SLC25A21: variants seen among roughly 807,000 people sequenced by gnomAD.
SLC25A21 encodes the protein mitochondrial 2-oxodicarboxylate carrier.
A neutral mutation model predicts 43.8 loss-of-function variants in SLC25A21; 47 were observed. That is an observed-to-expected ratio of 1.07 (90% CI 0.85 to 1.37). The LOEUF (loss-of-function observed/expected upper bound fraction) is 1.37, where lower values mean the gene tolerates loss of function less well. Ranked by LOEUF, SLC25A21 falls within the 40% of genes most tolerant of loss-of-function variation. The pLI, the probability that SLC25A21 is intolerant of heterozygous loss-of-function variation, is 0.00. For missense variants in SLC25A21, 352 were observed against 350.2 expected (o/e 1.00, Z -0.04); for synonymous variants, 131 against 121.3 (o/e 1.08, Z -0.52).
chr14:36,860,847 A>G (rs958938878), intron 2 of SLC25A21, among the ~76,000 whole-genome samples: 3 of 152,238 alleles, frequency 2.0e-5, no homozygotes, highest in African/African-American at 2.4e-5. Flanking sequence ...ACAGAAATGC[A>G]TATCCCAGAT....
chr14:37,084,302 C>T (rs1208525245), intron 1 of SLC25A21, among the ~76,000 whole-genome samples: 11 of 152,178 alleles, frequency 7.2e-5, no homozygotes, highest in Admixed American at 7.2e-4. Context: ...TGTTAGGAGG[C>T]TCTTCCTCTA....
At chr14:36,885,268 A>G (rs566553509) in intron 1 of SLC25A21, among the ~76,000 whole-genome samples, 3 of 152,258 alleles carry the variant, frequency 2.0e-5, no homozygotes, top group African/African-American at 7.2e-5. Context: ...AAATCAATTG[A>G]CCATAAATGC....
At chr14:36,969,565 T>C (rs1959702928) in intron 1 of SLC25A21, among the ~76,000 whole-genome samples, 1 of 151,882 alleles carries the variant, frequency 6.6e-6, no homozygotes, top group Admixed American at 6.6e-5. Context: ...CATAGAGCAC[T>C]ATAGCTTCCA....
At chr14:37,122,988 C>G (rs150985074) in intron 1 of SLC25A21, among the ~76,000 whole-genome samples, 2 of 152,182 alleles carry the variant, frequency 1.3e-5, no homozygotes, top group Admixed American at 1.3e-4. Context: ...TAGATACTTG[C>G]TTCTCAAAAG....
chr14:37,105,560 T>A (rs1566885319), intron 1 of SLC25A21, among the ~76,000 whole-genome samples: 1 of 152,124 alleles, frequency 6.6e-6, no homozygotes, highest in South Asian at 2.1e-4. Context: ...GCTTTTTAAT[T>A]TTATTTTTAA....
At chr14:36,790,588 G>A (rs1421772692) in intron 3 of SLC25A21, among the ~76,000 whole-genome samples, 3 of 152,080 alleles carry the variant, frequency 2.0e-5, no homozygotes, top group African/African-American at 7.2e-5. Flanking sequence ...TATTTAAACA[G>A]TTCTCCCAAT....
rs905256454 is a variant in SLC25A21, at chr14:36,976,543, A to AC, written c.71-101540_71-101539insG. 3.3e-5 allele frequency among the ~76,000 whole-genome samples: 5 copies of AC among 152,194 alleles called. No homozygotes were observed. In the East Asian group the frequency reaches 5.8e-4, roughly 18 times the overall value. ...AGCAAGCCATGGCCTGTAGATAAAA[A>AC]AAAACAAAACAAAACAAATGCAAAG... On this transcript the variant is annotated intron_variant, in intron 1 of 9. Coordinates refer to ENST00000331299, the MANE Select transcript of SLC25A21 (RefSeq NM_030631.4).
chr14:36,730,196 C>A (rs549782257), intron 4 of SLC25A21, among the ~76,000 whole-genome samples: 1 of 152,140 alleles, frequency 6.6e-6, no homozygotes, highest in Non-Finnish European at 1.5e-5. Flanking sequence ...TGATGAAGAT[C>A]GTGAAGGTAT....
intron 2 of SLC25A21, among the ~76,000 whole-genome samples, chr14:36,821,609 G>A (rs766932463): frequency 2.0e-5 from 3 of 152,092 alleles, no homozygotes; most frequent in East Asian, 3.9e-4. Context: ...TTAAAGTCAG[G>A]AGTTCGAGAC....
chr14:36,690,245 A>AT (rs1168164542), intron 7 of SLC25A21, among the ~76,000 whole-genome samples: 6 of 152,166 alleles, frequency 3.9e-5, no homozygotes, highest in African/African-American at 1.2e-4. Context: ...TAATATTTGT[A>AT]TTTTTTCACA....
intron 1 of SLC25A21, among the ~76,000 whole-genome samples, chr14:37,139,759 TATAATCATCAAA>T (rs1488599125): frequency 2.0e-5 from 3 of 152,206 alleles, no homozygotes; most frequent in Non-Finnish European, 4.4e-5. Flanking sequence ...TTCAAGACTT[TATAATCATCAAA>T]AAGTCAGTGT....
At chr14:37,155,072 G>A (rs1330360756) in intron 1 of SLC25A21, among the ~76,000 whole-genome samples, 1 of 151,216 alleles carries the variant, frequency 6.6e-6, no homozygotes, top group Non-Finnish European at 1.5e-5. Context: ...CTAAAAGACA[G>A]CTCTTTTTTT....
intron 1 of SLC25A21, among the ~76,000 whole-genome samples, chr14:36,877,010 T>A (rs985660266): frequency 2.0e-5 from 3 of 151,936 alleles, no homozygotes; most frequent in East Asian, 1.9e-4. Flanking sequence ...AGTTATAAGA[T>A]AAAACCCTAA....
chr14:36,758,673 C>G (rs1244167754), intron 3 of SLC25A21, among the ~76,000 whole-genome samples: 1 of 151,314 alleles, frequency 6.6e-6, no homozygotes, highest in Non-Finnish European at 1.5e-5. Context: ...TGGGAGGAAG[C>G]AGCAATGATT....
At chr14:36,801,708 CTCAAACTGCCTCTT>C in intron 3 of SLC25A21, among the ~76,000 whole-genome samples, 1 of 152,196 alleles carries the variant, frequency 6.6e-6, no homozygotes, top group African/African-American at 2.4e-5. Context: ...AAAATCCTAA[CTCAAACTGCCTCTT>C]ATTTCACTTT....
intron 1 of SLC25A21, among the ~76,000 whole-genome samples, chr14:37,045,099 C>A (rs190894640): frequency 1.2e-3 from 190 of 152,318 alleles, no homozygotes; most frequent in Admixed American, 3.1e-3. Context: ...GACTTTAAAA[C>A]CACTTGTCAG....
At chr14:36,993,485 C>T (rs1960306767) in intron 1 of SLC25A21, among the ~76,000 whole-genome samples, 1 of 152,156 alleles carries the variant, frequency 6.6e-6, no homozygotes, top group African/African-American at 2.4e-5. Context: ...AAGATGATCA[C>T]AACCAGTCAA....
chr14:36,851,004 T>C (rs1889716122), intron 2 of SLC25A21, among the ~76,000 whole-genome samples: 1 of 152,230 alleles, frequency 6.6e-6, no homozygotes, highest in African/African-American at 2.4e-5. Flanking sequence ...CATTCTACAG[T>C]CTGCCTGTTT....
At chr14:37,164,966 T>C (rs1024944008) in intron 1 of SLC25A21, among the ~76,000 whole-genome samples, 1 of 152,250 alleles carries the variant, frequency 6.6e-6, no homozygotes, top group South Asian at 2.1e-4. Flanking sequence ...TAGTGCAAGA[T>C]TGGAAAACTT....
Sources: gnomAD v4.1 joint callset for allele counts (sites outside exome capture counted in the v4.1 genomes callset) on GRCh38, gnomAD v4.1.1 for gene constraint, MANE v1.5 for transcripts, NCBI Gene and HGNC (gene_info 2026-07-23, HGNC 2026-07-21) for gene names.